Variants in ZNF17 observed in about 807,000 individuals in gnomAD.
The protein encoded by ZNF17 is zinc finger protein 17.
Under a neutral mutation model 7.7 loss-of-function variants are expected in ZNF17, and 4 were observed. That is an observed-to-expected ratio of 0.52 (90% CI 0.26 to 1.20). The LOEUF is 1.20. Ranked by LOEUF, ZNF17 falls within the 50% of genes most tolerant of loss-of-function variation. The pLI is 0.14. For synonymous variants in ZNF17, 249 were observed against 258.8 expected, an observed-to-expected ratio of 0.96 and a Z score of 0.36; for missense variants, 738 against 799.5, an observed-to-expected ratio of 0.92 and a Z score of 0.93.
intron 1 of ZNF17, 69 bp from the exon 2 acceptor site, chr19:57,413,527 T>C: frequency 3.3e-6 from 5 of 1,509,226 alleles, no homozygotes; most frequent in Non-Finnish European, 4.4e-6. Flanking sequence ...GGGCCAGAGG[T>C]GGTTGTACAG....
Position 57,420,170 on chromosome 19 carries a change from GT to G in ZNF17, c.687del (p.Phe229LeufsTer231). 6.2e-7 allele frequency: 1 copy of G among 1,612,940 alleles called. No homozygotes were observed. The highest frequency in any genetic ancestry group is 8.5e-7 in the Non-Finnish European group (1 of 1,179,080). Reference sequence around the variant, plus strand: ...ATGAGTGCAGTGAATGTGGCAAATTGTTTAGGTACAACTCCGACCTTATTAA... The same window carrying G: ...ATGAGTGCAGTGAATGTGGCAAATTGTTAGGTACAACTCCGACCTTATTAA... ...PYECSECGKL[F>X]RYNSDLIKHQ... On this transcript the variant is annotated frameshift_variant, in exon 4 of 4. Transcript: ENST00000307658. LOFTEE classifies it low-confidence loss of function (END_TRUNC).
chr19:57,414,610 C>T (rs936251304), intron 2 of ZNF17, among the ~76,000 whole-genome samples: 5 of 152,034 alleles, frequency 3.3e-5, no homozygotes, highest in Non-Finnish European at 7.4e-5. Flanking sequence ...GCTGGGATTA[C>T]AGGTATGAGC....
Position 57,419,911 on chromosome 19 carries a change from T to G in ZNF17, c.425T>G (p.Val142Gly), listed in dbSNP as rs1391096105. 1 of 1,614,080 alleles carries G rather than the reference T, an allele frequency of 6.2e-7. No individual in the cohort carries two copies. The highest frequency in any genetic ancestry group is 1.3e-5 in the African/African-American group (1 of 74,922). Residue 142 changes from valine to glycine, a missense_variant, in exon 4 of 4, where the codon GTT becomes GGT. Coordinates refer to ENST00000307658, the MANE Select transcript of ZNF17 (RefSeq NM_001330617.2). Reference protein sequence around the residue: ...EGRPSFVNDSVHLAKRNLTCM... With the variant: ...EGRPSFVNDSGHLAKRNLTCM... ...AGGCCTTCGTTTGTGAATGACAGTG[T>G]TCACCTGGCAAAGAGGAACCTCACA...
At chr19:57,417,017 A>G (rs565961523) in intron 2 of ZNF17, among the ~76,000 whole-genome samples, 1 of 152,300 alleles carries the variant, frequency 6.6e-6, no homozygotes, top group South Asian at 2.1e-4. Context: ...TGGAGAGGGA[A>G]GTGTATCAGT....
intron 2 of ZNF17, among the ~76,000 whole-genome samples, chr19:57,413,984 T>C (rs1024667244): frequency 6.6e-6 from 1 of 152,162 alleles, no homozygotes; most frequent in African/African-American, 2.4e-5. Context: ...GGTCGGGGCA[T>C]GCAGGGATCA....
chr19:57,412,635 G>T (rs904554742), intron 1 of ZNF17, among the ~76,000 whole-genome samples: 1 of 151,742 alleles, frequency 6.6e-6, no homozygotes, highest in African/African-American at 2.4e-5. Context: ...TAGTAGAGAC[G>T]GGGTTTCACC....
At chr19:57,417,631 G>A (rs531734690) in intron 2 of ZNF17, among the ~76,000 whole-genome samples, 1 of 151,934 alleles carries the variant, frequency 6.6e-6, no homozygotes, top group African/African-American at 2.4e-5. Context: ...GGCAGTTCAC[G>A]AGGTCAGGAG....
At chr19:57,411,636 C>T (rs2088777576) in intron 1 of ZNF17, 4 of 1,368,716 alleles carry the variant, frequency 2.9e-6, no homozygotes, top group Non-Finnish European at 3.8e-6. Context: ...GCGTCTTTGT[C>T]TCCACGGAGC....
intron 3 of ZNF17, 196 bp from the exon 4 acceptor site, chr19:57,419,439 A>T: frequency 1.7e-6 from 1 of 575,176 alleles, no homozygotes; most frequent in Admixed American, 3.1e-5. Context: ...GTTGTTCCCC[A>T]TCATCAGGAC....
At position 57,417,954 on chromosome 19, in the gene ZNF17, G is replaced by A. The variant is rs1407356409; in HGVS notation, c.64G>A (p.Glu22Lys). 1 of 1,613,990 alleles carries A rather than the reference G, an allele frequency of 6.2e-7. No individual in the cohort carries two copies. Among genetic ancestry groups the A allele is most frequent in the East Asian group, 2.2e-5 (1 of 44,896 alleles). The part of the protein sequence containing the change: ...FEDVAIHFSQ[E>K]EWGILNDVQR... ...GGACGTGGCCATACATTTCTCCCAG[G>A]AGGAGTGGGGAATTCTTAATGACGT... is the stretch of plus-strand genomic sequence containing the variant. Residue 22 changes from glutamate (E) to lysine (K), a missense_variant, in exon 3 of 4, where the codon GAG becomes AAG. Glu to Lys is a moderately conservative substitution (Grantham distance 56). Around this residue, in one of 3 missense-constraint regions of ZNF17, gnomAD observed 616 missense variants for 663.9 expected, o/e 0.93. Coordinates refer to ENST00000307658, the MANE Select transcript of ZNF17 (RefSeq NM_001330617.2).
At position 57,420,412 on chromosome 19, in the gene ZNF17, GT is replaced by G; in HGVS notation, c.927del (p.Cys309TrpfsTer151). The G allele has an allele frequency of 6.2e-7, 1 of 1,614,232 alleles. No homozygotes were observed. On this transcript the variant is annotated frameshift_variant, in exon 4 of 4. Coordinates refer to ENST00000307658, the MANE Select transcript of ZNF17 (RefSeq NM_001330617.2). LOFTEE classifies it low-confidence loss of function (END_TRUNC). ...CCAAGGCCTTATGTGTGTAGTGAAT[GT>G]GGGAAGGCCTTCCTTACACAGGCTC... ...TRPRPYVCSECGKAFLTQAHL... is the reference protein window; with the variant it reads ...TRPRPYVCSEXGKAFLTQAHL...
rs772510338 is a variant in ZNF17, at chr19:57,419,780, T to G, written c.294T>G (p.Ile98Met). Residue 98 changes from isoleucine (I) to methionine (M), a missense_variant, in exon 4 of 4, where the codon ATT becomes ATG. By Grantham distance (10) the Ile-to-Met change is conservative. This residue lies in a region of ZNF17 where 616 missense variants were observed against 663.9 expected (regional missense o/e 0.93). Coordinates refer to ENST00000307658, the MANE Select transcript of ZNF17 (RefSeq NM_001330617.2). ...CATGTAGCTCACTTCTGAAGGACAT[T>G]CTACACCTGGCTGAGCATGACGGAA... ...CETCSSLLKD[I>M]LHLAEHDGTH... 3 of 1,614,130 alleles carry G rather than the reference T, an allele frequency of 1.9e-6. No homozygotes were observed. In the Admixed American group the frequency reaches 5.0e-5, roughly 27 times the overall value.
At position 57,411,213 on chromosome 19, in the gene ZNF17, A is replaced by T. The variant is rs541609346; in HGVS notation, c.-214A>T. The stretch of plus-strand genomic sequence containing the variant: ...GCTGCGTTGGGATCTGTTCACCTTC[A>T]GGCTGAGTCGAGACTGAGGTGAAAA... On this transcript the variant is annotated 5_prime_UTR_variant, in exon 1 of 4. Coordinates refer to ENST00000307658, the MANE Select transcript of ZNF17 (RefSeq NM_001330617.2). 1.2e-6 allele frequency: 1 copy of T among 840,296 alleles called. No homozygotes were observed. Among genetic ancestry groups the T allele is most frequent in the Non-Finnish European group, 1.8e-6 (1 of 553,984 alleles). The allele number at this position is 840,296 out of a possible 1,614,324, so 52.1% of individuals were successfully genotyped here. A position where few individuals can be genotyped will look rare whatever the true frequency, so the allele number is the denominator to read the frequency against.
chr19:57,414,261 T>C (rs1401319367), intron 2 of ZNF17, among the ~76,000 whole-genome samples: 1 of 151,968 alleles, frequency 6.6e-6, no homozygotes, highest in East Asian at 1.9e-4. Flanking sequence ...TCTCAATCTC[T>C]TGACCTCGTG....
At chr19:57,418,806 C>G (rs982487739) in intron 3 of ZNF17, among the ~76,000 whole-genome samples, 10 of 152,198 alleles carry the variant, frequency 6.6e-5, no homozygotes, top group African/African-American at 2.4e-4. Flanking sequence ...TGTGATCTCT[C>G]TTTTGACTTT....
At position 57,417,900 on chromosome 19, in the gene ZNF17, T is replaced by G; in HGVS notation, c.22-12T>G. The stretch of plus-strand genomic sequence containing the variant: ...AAGTTGCTCACAGACTAAACTGTTA[T>G]AATTTTGGCAGGATTATATGGTTTT... On this transcript the variant is annotated splice_polypyrimidine_tract_variant and intron_variant, in intron 2 of 3. Transcript: ENST00000307658. The G allele has an allele frequency of 6.2e-7, 1 of 1,612,636 alleles. No individual in the cohort carries two copies. The highest frequency in any genetic ancestry group is 8.5e-7 in the Non-Finnish European group (1 of 1,179,470).
In ZNF17 at chr19:57,420,717, A is replaced by C; in HGVS notation, c.1231A>C (p.Thr411Pro). 6.2e-7 allele frequency: 1 copy of C among 1,614,094 alleles called. No homozygotes were observed. Reference protein sequence around the residue: ...STLIRHQKVHTGEKPYECSEC... With the variant: ...STLIRHQKVHPGEKPYECSEC... ...ACTCATTAGACATCAGAAAGTTCACACTGGAGAAAAGCCTTATGAGTGTAG... is the reference window on the plus strand; with the variant it reads ...ACTCATTAGACATCAGAAAGTTCACCCTGGAGAAAAGCCTTATGAGTGTAG... The change falls in exon 4 of 4, where the codon ACT becomes CCT. Residue 411 changes from threonine to proline, a missense_variant. Around this residue, in one of 3 missense-constraint regions of ZNF17, gnomAD observed 616 missense variants for 663.9 expected, o/e 0.93. Transcript: ENST00000307658.
intron 2 of ZNF17, among the ~76,000 whole-genome samples, chr19:57,414,227 G>A: frequency 6.6e-6 from 1 of 151,906 alleles, no homozygotes; most frequent in Non-Finnish European, 1.5e-5. Context: ...TAGAGATGGG[G>A]TTTCACCATG....
At chr19:57,412,947 G>A (rs2088787948) in intron 1 of ZNF17, among the ~76,000 whole-genome samples, 1 of 150,840 alleles carries the variant, frequency 6.6e-6, no homozygotes, top group African/African-American at 2.4e-5. Flanking sequence ...GCGTGGTCTC[G>A]GCTCACTGCA....
Sources: allele counts gnomAD v4.1 joint callset (sites outside exome capture counted in the v4.1 genomes callset), GRCh38; gene constraint gnomAD v4.1.1; regional missense constraint gnomAD v4.1.1; transcripts MANE v1.5; gene names NCBI Gene and HGNC (gene_info 2026-07-23, HGNC 2026-07-21).